The following SLC25A6 variants were observed in gnomAD, a reference collection of about 807,000 sequenced individuals.
SLC25A6 encodes solute carrier family 25 member 6, also known as ADP/ATP translocase 3.
Under a neutral mutation model 25.7 loss-of-function variants are expected in SLC25A6, and 9 were observed. That is an observed-to-expected ratio of 0.35 (90% CI 0.21 to 0.61). SLC25A6 has a LOEUF of 0.61. Ranked by LOEUF, SLC25A6 falls within the 20% of genes least tolerant of loss-of-function variation. The probability of loss-of-function intolerance (pLI) is 0.76; values close to 1 mark genes in which losing one functional copy is unlikely to be tolerated. For synonymous variants in SLC25A6, 223 were observed against 197.0 expected, an observed-to-expected ratio of 1.13 and a Z score of -1.11; for missense variants, 404 against 440.5, an observed-to-expected ratio of 0.92 and a Z score of 0.74.
Position 1,386,749 on chromosome X carries a change from C to T in SLC25A6, c.750G>A (p.Met250Ile). The T allele has an allele frequency of 6.2e-7, 1 of 1,604,382 alleles. No homozygotes were observed. The highest frequency in any genetic ancestry group is 8.5e-7 in the Non-Finnish European group (1 of 1,176,246). The change falls in exon 4 of 4, where the codon ATG becomes ATA. Residue 250 changes from methionine (M) to isoleucine (I), a missense_variant. Coordinates refer to ENST00000381401, the MANE Select transcript of SLC25A6 (RefSeq NM_001636.4). ...TCCAACAGTCGACGGTGCCCGTGTACATGATGTCAGCTGCAACGACAGGGA... is the reference window on the plus strand; with the variant it reads ...TCCAACAGTCGACGGTGCCCGTGTATATGATGTCAGCTGCAACGACAGGGA... Reference protein sequence around the residue: ...MQSGRKGADIMYTGTVDCWRK... With the variant: ...MQSGRKGADIIYTGTVDCWRK...
At chrX:1,387,114 C>T (rs1255045433) in intron 3 of SLC25A6, among the ~76,000 whole-genome samples, 165 bp downstream of exon 3, 9 of 152,168 alleles carry the variant, frequency 5.9e-5, no homozygotes, top group African/African-American at 2.2e-4. Context: ...AGAAGCCCAT[C>T]GTTCAGGAAA....
Position 1,386,545 on chromosome X carries a change from T to A in SLC25A6, c.*57A>T, listed in dbSNP as rs1321722987. 3 of 1,450,304 alleles carry A rather than the reference T, an allele frequency of 2.1e-6. No homozygotes were observed. In the African/African-American group the frequency reaches 4.4e-5, roughly 21 times the overall value. The allele number at this position is 1,450,304 out of a possible 1,614,324, so 89.8% of individuals were successfully genotyped here. A position where few individuals can be genotyped will look rare whatever the true frequency, so the allele number is the denominator to read the frequency against. ...TGATGGTCCGCACGGTTGAGGATTCTACGTGGTTCTCTTGGTTCCCCTGGT... is the reference window on the plus strand; with the variant it reads ...TGATGGTCCGCACGGTTGAGGATTCAACGTGGTTCTCTTGGTTCCCCTGGT... On this transcript the variant is annotated 3_prime_UTR_variant, in exon 4 of 4. Coordinates refer to ENST00000381401, the MANE Select transcript of SLC25A6 (RefSeq NM_001636.4).
At chrX:1,387,237 T>C (rs754419969) in intron 3 of SLC25A6, 42 bp downstream of exon 3, 4 of 1,604,420 alleles carry the variant, frequency 2.5e-6, no homozygotes, top group Non-Finnish European at 3.4e-6. Context: ...AGGAGCTTGG[T>C]TCCCCTTCCC....
chrX:1,387,103 C>G (rs1209422469), intron 3 of SLC25A6, among the ~76,000 whole-genome samples, 176 bp downstream of exon 3: 1 of 152,160 alleles, frequency 6.6e-6, no homozygotes, highest in South Asian at 2.1e-4. Flanking sequence ...CCAAAAAGAT[C>G]AGAAGCCCAT....
chrX:1,386,497 G>A lies in SLC25A6; in HGVS notation c.*105C>T, dbSNP rs1320651523. The A allele has an allele frequency of 3.8e-6, 5 of 1,332,416 alleles. No individual in the cohort carries two copies. Among genetic ancestry groups the A allele is most frequent in the Non-Finnish European group, 4.9e-6 (5 of 1,024,726 alleles). 82.5% of individuals were successfully genotyped at this position (1,332,416 alleles called of 1,614,324 possible). A position where few individuals can be genotyped will look rare whatever the true frequency, so the allele number is the denominator to read the frequency against. On this transcript the variant is annotated 3_prime_UTR_variant, in exon 4 of 4. Transcript: ENST00000381401. ...ACAGGCAGGATGCGGCTGGGAAAAA[G>A]ACAACTGGAATTTCTCGAAGGTTGA...
In SLC25A6 at chrX:1,391,813, A is replaced by G. The variant is rs188708094; in HGVS notation, c.111+86T>C. 809 of 1,058,292 alleles carry G rather than the reference A, an allele frequency of 7.6e-4. 4 individuals carry two copies. The African/African-American group carries it at 0.012, about 15-fold the overall frequency. The allele number at this position is 1,058,292 out of a possible 1,614,324, so 65.6% of individuals were successfully genotyped here. A position where few individuals can be genotyped will look rare whatever the true frequency, so the allele number is the denominator to read the frequency against. ...CCTTCCACTTCCGGCGCCCGCCTGC[A>G]AGGCTCTGCTGCCCACGTCCCCGCC... is the stretch of plus-strand genomic sequence containing the variant. On this transcript the variant is annotated intron_variant, in intron 1 of 3. Transcript: ENST00000381401.
At chrX:1,391,578 G>A (rs1187135381) in intron 1 of SLC25A6, among the ~76,000 whole-genome samples, 2 of 152,246 alleles carry the variant, frequency 1.3e-5, no homozygotes, top group Non-Finnish European at 2.9e-5. Context: ...CCAGCCGGGG[G>A]ACCCGCAGGA....
chrX:1,387,475 G>A, intron 2 of SLC25A6, 56 bp from the exon 3 acceptor site: 1 of 1,599,714 alleles, frequency 6.3e-7, no homozygotes, highest in Non-Finnish European at 8.5e-7. Flanking sequence ...CCCGAGACCA[G>A]GGTCGGCCCC....
rs1417807954 is a variant in SLC25A6 at position 1,389,225 on chromosome X, T to G, written c.598+16A>C. ...TGAGCCCGTCTCTGGGACTTCGCGA[T>G]GGCAGCCACACGTACCCTTGGCCGT... On this transcript the variant is annotated intron_variant, in intron 2 of 3. Transcript: ENST00000381401. The G allele has an allele frequency of 6.2e-7, 1 of 1,605,316 alleles. No homozygotes were observed. The highest frequency in any genetic ancestry group is 1.7e-5 in the Admixed American group (1 of 59,818).
rs1428236011 is a variant in SLC25A6, at chrX:1,392,050, A to G, written c.-41T>C. On this transcript the variant is annotated 5_prime_UTR_variant, in exon 1 of 4. Transcript: ENST00000381401. ...AGCGGAACGGGAGGACAGCCGGAGA[A>G]CGGGCGCGGAGAGTGAATGGAGGGC... 1 of 1,487,174 alleles carries G rather than the reference A, an allele frequency of 6.7e-7. No homozygotes were observed. Among genetic ancestry groups the G allele is most frequent in the African/African-American group, 1.4e-5 (1 of 71,992 alleles). 92.1% of individuals were successfully genotyped at this position (1,487,174 alleles called of 1,614,324 possible).
chrX:1,388,503 C>T (rs1181267855), intron 2 of SLC25A6, among the ~76,000 whole-genome samples: 13 of 151,460 alleles, frequency 8.6e-5, no homozygotes, highest in African/African-American at 2.9e-4. Context: ...GTGGGAGAAT[C>T]AATGTCTGTT....
chrX:1,391,704 C>G (rs774473028), intron 1 of SLC25A6, among the ~76,000 whole-genome samples, 195 bp downstream of exon 1: 5 of 152,232 alleles, frequency 3.3e-5, no homozygotes, highest in Non-Finnish European at 5.9e-5. Context: ...CCAGTGCGCA[C>G]GCGTGGACGT....
Position 1,389,364 on chromosome X carries a change from C to T in SLC25A6, c.475G>A (p.Asp159Asn). 1 of 1,613,792 alleles carries T rather than the reference C, an allele frequency of 6.2e-7. No homozygotes were observed. Among genetic ancestry groups the T allele is most frequent in the Non-Finnish European group, 8.5e-7 (1 of 1,179,874 alleles). The change falls in exon 2 of 4, where the codon GAC (aspartate) becomes AAC (asparagine). Residue 159 changes from aspartate to asparagine, a missense_variant. Physicochemically the swap from Asp to Asn is conservative, Grantham distance 23. Coordinates refer to ENST00000381401, the MANE Select transcript of SLC25A6 (RefSeq NM_001636.4). ...GACTTGGTGATCTTCACCAGGCAGT[C>T]TCCCAGGCCTCGGAACTCGCGCTCT... Reference protein sequence around the residue: ...GTEREFRGLGDCLVKITKSDG... With the variant: ...GTEREFRGLGNCLVKITKSDG...
Position 1,389,618 on chromosome X carries a change from T to C in SLC25A6, c.221A>G (p.Asn74Ser), listed in dbSNP as rs2089375397. The C allele has an allele frequency of 1.2e-6, 2 of 1,613,982 alleles. No individual in the cohort carries two copies. The highest frequency in any genetic ancestry group is 1.7e-6 in the Non-Finnish European group (2 of 1,180,014). The part of the protein sequence containing the change: ...EQGVLSFWRG[N>S]LANVIRYFPT... Reference sequence around the variant, plus strand: ...GAAGTAGCGAATGACGTTGGCAAGGTTGCCCCTCCAGAAGGACAGCACGCC... The same window carrying C: ...GAAGTAGCGAATGACGTTGGCAAGGCTGCCCCTCCAGAAGGACAGCACGCC... Residue 74 changes from asparagine (N) to serine (S), a missense_variant, in exon 2 of 4, where the codon AAC becomes AGC. Asn to Ser is a conservative substitution (Grantham distance 46). Transcript: ENST00000381401.
Position 1,389,470 on chromosome X carries a change from G to A in SLC25A6, c.369C>T (p.Ala123=), listed in dbSNP as rs200055024. The A allele has an allele frequency of 1.0e-4, 162 of 1,613,988 alleles. 1 individual carries two copies. The highest frequency in any genetic ancestry group is 6.7e-5 in the East Asian group (3 of 44,884). ...FAGNLASGGA[A]GATSLCFVYP... is the part of the protein sequence containing the mutation. ...ACACGAAGCAGAGGGAGGTCGCGCC[G>A]GCCGCACCGCCGGAGGCCAGGTTGC... Residue 123 remains alanine (A), a synonymous_variant, in exon 2 of 4, where the codon GCC becomes GCT. Coordinates refer to ENST00000381401, the MANE Select transcript of SLC25A6 (RefSeq NM_001636.4).
chrX:1,390,795 A>C (rs2089394323), intron 1 of SLC25A6, among the ~76,000 whole-genome samples: 1 of 149,692 alleles, frequency 6.7e-6, no homozygotes, highest in Non-Finnish European at 1.5e-5. Context: ...GTGCTGGGAC[A>C]CCCCGCCCTG....
At position 1,389,677 on chromosome X, in the gene SLC25A6, G is replaced by A. The variant is rs755768991; in HGVS notation, c.162C>T (p.Ile54=). Residue 54 remains isoleucine (I), a synonymous_variant, in exon 2 of 4, where the codon ATC becomes ATT. Transcript: ENST00000381401. ...TGGGGATGCGGACAATGCAGTCCAC[G>A]ATGCCCTTGTACTGCTTGTCGGCGG... The part of the protein sequence containing the change: ...QIAADKQYKG[I]VDCIVRIPKE... The A allele has an allele frequency of 2.3e-5, 37 of 1,613,758 alleles. No homozygotes were observed. The highest frequency in any genetic ancestry group is 2.7e-5 in the African/African-American group (2 of 74,906).
intron 2 of SLC25A6, among the ~76,000 whole-genome samples, chrX:1,388,547 A>G (rs778758291): frequency 1.3e-5 from 2 of 150,528 alleles, no homozygotes; most frequent in African/African-American, 4.9e-5. Flanking sequence ...GTGTTCTGGG[A>G]TGGCAGCCTG....
intron 1 of SLC25A6, among the ~76,000 whole-genome samples, chrX:1,390,005 G>A (rs1405942609): frequency 6.6e-6 from 1 of 151,874 alleles, no homozygotes; most frequent in African/African-American, 2.4e-5. Flanking sequence ...GTGAGCCACC[G>A]CACCCGGCTC....
Sources: allele counts gnomAD v4.1 joint callset (sites outside exome capture counted in the v4.1 genomes callset), GRCh38; gene constraint gnomAD v4.1.1; transcripts MANE v1.5; gene names NCBI Gene and HGNC (gene_info 2026-07-23, HGNC 2026-07-21).